The following PTPN22 variants were observed in gnomAD, a reference collection of about 807,000 sequenced individuals.
The protein encoded by PTPN22 is tyrosine-protein phosphatase non-receptor type 22.
In PTPN22, 85 loss-of-function variants were observed where a neutral mutation model predicts 103.3. That is an observed-to-expected ratio of 0.82 (90% CI 0.69 to 0.99). The LOEUF (loss-of-function observed/expected upper bound fraction) is 0.99, where lower values mean the gene tolerates loss of function less well. PTPN22 is among the 50% of genes least tolerant of loss of function. PTPN22 has a pLI of 0.00. For missense variants in PTPN22, 865 were observed against 936.9 expected, an observed-to-expected ratio of 0.92 and a Z score of 1.00; for synonymous variants, 323 against 310.2, an observed-to-expected ratio of 1.04 and a Z score of -0.43.
chr1:113,817,460 CAG>C (rs1052783712), intron 20 of PTPN22, among the ~76,000 whole-genome samples: 5 of 151,836 alleles, frequency 3.3e-5, no homozygotes, highest in South Asian at 2.1e-4. Context: ...TTTTCCAAGA[CAG>C]AGTCTTGTAC....
intron 5 of PTPN22, 81 bp from the exon 6 acceptor site, chr1:113,856,700 C>T (rs193160021): frequency 3.8e-6 from 6 of 1,589,502 alleles, no homozygotes; most frequent in Non-Finnish European, 5.2e-6. Flanking sequence ...GCAAATTCAG[C>T]TCTATGTCCT....
chr1:113,870,871 A>AC (rs1553254755), intron 1 of PTPN22, among the ~76,000 whole-genome samples: 1 of 151,682 alleles, frequency 6.6e-6, no homozygotes, highest in African/African-American at 2.4e-5. Flanking sequence ...GAAAAAAACA[A>AC]TTTTTTTTTA....
intron 19 of PTPN22, among the ~76,000 whole-genome samples, chr1:113,820,127 A>AGCCT (rs1177311193): frequency 1.3e-5 from 2 of 151,966 alleles, no homozygotes; most frequent in African/African-American, 4.8e-5. Flanking sequence ...TCCACTTTCC[A>AGCCT]GCCTGATTTT....
intron 1 of PTPN22, 98 bp downstream of exon 1, chr1:113,871,439 C>T: frequency 3.1e-6 from 3 of 967,076 alleles, no homozygotes; most frequent in Non-Finnish European, 4.8e-6. Flanking sequence ...CTCATATTTA[C>T]TTTATCCCAA....
chr1:113,841,865 A>G (rs1033668360), intron 11 of PTPN22, among the ~76,000 whole-genome samples: 10 of 152,206 alleles, frequency 6.6e-5, no homozygotes, highest in African/African-American at 1.7e-4. Flanking sequence ...GGCCTCCCAA[A>G]GTGCTGGGAT....
At chr1:113,856,606 C>A in exon 6 of PTPN22, 9 of 1,614,172 alleles carry the variant, frequency 5.6e-6, no homozygotes, top group Non-Finnish European at 7.6e-6. Flanking sequence ...AGCCCAGTAG[C>A]GCTCACACTT....
intron 3 of PTPN22, 104 bp from the exon 4 acceptor site, chr1:113,858,677 T>C: frequency 1.3e-6 from 1 of 789,348 alleles, no homozygotes; most frequent in East Asian, 2.8e-5. Flanking sequence ...TCTCACTGTG[T>C]TACCCAGGCT....
intron 16 of PTPN22, among the ~76,000 whole-genome samples, chr1:113,832,106 G>A (rs1023603151): frequency 6.6e-6 from 1 of 152,134 alleles, no homozygotes; most frequent in African/African-American, 2.4e-5. Context: ...ATTTAACCAA[G>A]TTTATGCATG....
intron 1 of PTPN22, 110 bp downstream of exon 1, chr1:113,871,427 G>A (rs771927067): frequency 8.7e-6 from 7 of 800,374 alleles, no homozygotes; most frequent in African/African-American, 3.5e-5. Flanking sequence ...CCCCGCCAAG[G>A]TCTCATATTT....
chr1:113,838,507 A>G lies in PTPN22; in HGVS notation c.992+37T>C, dbSNP rs72483512. On this transcript the variant is annotated intron_variant, in intron 12 of 20. Transcript: ENST00000359785. The stretch of plus-strand genomic sequence containing the variant: ...AGCATGAGATTCATCTCCCAGACAC[A>G]ATTAGTCAACATTTAGATATATAAA... 22 of 1,606,108 alleles carry G rather than the reference A, an allele frequency of 1.4e-5. 1 individual carries two copies. The East Asian group carries it at 4.9e-4, about 36-fold the overall frequency.
chr1:113,824,177 C>T (rs1452611596), intron 19 of PTPN22, among the ~76,000 whole-genome samples: 1 of 151,778 alleles, frequency 6.6e-6, no homozygotes, highest in Non-Finnish European at 1.5e-5. Flanking sequence ...TCTTGGCTCA[C>T]CGCAACCTCC....
intron 11 of PTPN22, among the ~76,000 whole-genome samples, chr1:113,847,350 T>G (rs1664185926): frequency 6.6e-6 from 1 of 151,852 alleles, no homozygotes; most frequent in South Asian, 2.1e-4. Context: ...GTTGTTGTTT[T>G]AACTATGTTT....
chr1:113,837,310 C>T (rs1339046704), intron 13 of PTPN22, among the ~76,000 whole-genome samples: 1 of 151,656 alleles, frequency 6.6e-6, no homozygotes, highest in African/African-American at 2.4e-5. Flanking sequence ...ATTAGCCGGG[C>T]GTGGTGGCGC....
intron 8 of PTPN22, 88 bp from the exon 9 acceptor site, chr1:113,854,625 T>C: frequency 7.5e-7 from 1 of 1,326,626 alleles, no homozygotes; most frequent in Non-Finnish European, 1.1e-6. Flanking sequence ...CACCAGCAGA[T>C]TTGAGGAAGA....
chr1:113,850,046 A>T (rs1664423123), intron 10 of PTPN22, among the ~76,000 whole-genome samples: 1 of 151,916 alleles, frequency 6.6e-6, no homozygotes, highest in Non-Finnish European at 1.5e-5. Flanking sequence ...ATACAAAAAA[A>T]ATTAGCTGGG....
exon 13 of PTPN22, chr1:113,838,063 C>T (rs267597928): frequency 6.8e-6 from 11 of 1,613,746 alleles, no homozygotes; most frequent in Admixed American, 3.3e-5. Flanking sequence ...TGATTTGGTC[C>T]GTGTTATTGG....
intron 19 of PTPN22, chr1:113,823,497 C>T (rs1158976855): frequency 6.6e-6 from 1 of 152,184 alleles, no homozygotes; most frequent in African/African-American, 2.4e-5. Context: ...ACCAGAGGAT[C>T]AAGGTAACTG....
intron 10 of PTPN22, among the ~76,000 whole-genome samples, chr1:113,849,684 C>T (rs1664391881): frequency 6.6e-6 from 1 of 151,606 alleles, no homozygotes; most frequent in Non-Finnish European, 1.5e-5. Context: ...ACCTCCCAGG[C>T]TCAAGTGATG....
intron 19 of PTPN22, among the ~76,000 whole-genome samples, chr1:113,824,639 T>C (rs1262419302): frequency 1.3e-5 from 2 of 152,176 alleles, no homozygotes; most frequent in Non-Finnish European, 2.9e-5. Context: ...AAAATACATC[T>C]GAGGTTAGAC....
Sources: allele counts gnomAD v4.1 joint callset (sites outside exome capture counted in the v4.1 genomes callset), GRCh38; gene constraint gnomAD v4.1.1; transcripts MANE v1.5; gene names NCBI Gene and HGNC (gene_info 2026-07-23, HGNC 2026-07-21).